Variants in B3GALT5 observed in about 807,000 individuals in gnomAD.
B3GALT5 encodes UDP-Gal:betaGlcNAc beta 1,3-galactosyltransferase, polypeptide 5.
For synonymous variants in B3GALT5, 156 were observed against 158.6 expected (o/e 0.98, Z 0.12); for missense variants, 328 against 396.6 (o/e 0.83, Z 1.47).
rs138404709 is a variant in B3GALT5 at position 39,616,695 on chromosome 21, C to G, written c.-392+3628C>G. On this transcript the variant is annotated intron_variant, in intron 1 of 3. Transcript: ENST00000684187. Reference sequence around the variant, plus strand: ...AACATCGTTTCCTTCCCAGAGCTTCCTTTGGTGTCCTGGAGATACAGTTTA... The same window carrying G: ...AACATCGTTTCCTTCCCAGAGCTTCGTTTGGTGTCCTGGAGATACAGTTTA... Among the ~76,000 whole-genome samples, 789 of 152,242 alleles carry G rather than the reference C, an allele frequency of 5.2e-3. 2 individuals carry two copies. The highest frequency in any genetic ancestry group is 0.018 in the African/African-American group (757 of 41,546).
intron 1 of B3GALT5, among the ~76,000 whole-genome samples, chr21:39,630,858 C>T (rs2079188411): frequency 6.6e-6 from 1 of 152,154 alleles, no homozygotes; most frequent in African/African-American, 2.4e-5. Flanking sequence ...CATCATTTCT[C>T]TCCTCTGATA....
intron 1 of B3GALT5, among the ~76,000 whole-genome samples, chr21:39,639,425 T>C (rs1399395810): frequency 8.4e-6 from 1 of 118,746 alleles, no homozygotes; most frequent in Non-Finnish European, 1.8e-5. Flanking sequence ...TCTTTCTTTC[T>C]TTCTTTCTTT....
At chr21:39,634,278 G>C (rs2079211045) in intron 1 of B3GALT5, among the ~76,000 whole-genome samples, 1 of 152,172 alleles carries the variant, frequency 6.6e-6, no homozygotes, top group Non-Finnish European at 1.5e-5. Context: ...GGGAAGGAAT[G>C]GGGTGTGTGT....
intron 2 of B3GALT5, among the ~76,000 whole-genome samples, chr21:39,658,873 C>A (rs34021849): frequency 0.73 from 110,972 of 151,730 alleles, 41,211 homozygotes; most frequent in Middle Eastern, 0.82. Context: ...TATTATATTC[C>A]TATTGCTTTT....
Position 39,672,914 on chromosome 21 carries a change from C to T in B3GALT5, c.*11422C>T, listed in dbSNP as rs2079643557. The stretch of plus-strand genomic sequence containing the variant: ...GGCAGTGTCCATTGAGGTGTCCTGT[C>T]GGGAATGACAAGTCCAGGGCAGATT... On this transcript the variant is annotated 3_prime_UTR_variant, in exon 4 of 4. Coordinates refer to ENST00000684187, the MANE Select transcript of B3GALT5 (RefSeq NM_001356336.2). 1.3e-5 allele frequency: 2 copies of T among 152,198 alleles called. No homozygotes were observed. 9.4% of individuals were successfully genotyped at this position (152,198 alleles called of 1,614,324 possible).
At chr21:39,634,551 C>T (rs1440419044) in intron 1 of B3GALT5, among the ~76,000 whole-genome samples, 6 of 151,896 alleles carry the variant, frequency 4.0e-5, no homozygotes, top group African/African-American at 7.3e-5. Flanking sequence ...TACTGCGGGT[C>T]GCTCACATCT....
chr21:39,637,705 C>G (rs1035708311), intron 1 of B3GALT5, among the ~76,000 whole-genome samples: 1 of 152,184 alleles, frequency 6.6e-6, no homozygotes, highest in African/African-American at 2.4e-5. Context: ...ACCCACCTGC[C>G]GTGGCTTTTC....
At chr21:39,628,914 G>C (rs2123694267) in intron 1 of B3GALT5, among the ~76,000 whole-genome samples, 1 of 152,286 alleles carries the variant, frequency 6.6e-6, no homozygotes, top group South Asian at 2.1e-4. Flanking sequence ...AGTCTTAAGA[G>C]GTTAACTGTG....
intron 1 of B3GALT5, among the ~76,000 whole-genome samples, chr21:39,642,532 A>G (rs1446113393): frequency 1.3e-5 from 2 of 152,180 alleles, no homozygotes; most frequent in African/African-American, 4.8e-5. Flanking sequence ...TATACCTCCT[A>G]TCTGGATTTT....
In B3GALT5 at chr21:39,661,224, C is replaced by T; in HGVS notation, c.665C>T (p.Ser222Phe). The T allele has an allele frequency of 6.2e-7, 1 of 1,614,184 alleles. No homozygotes were observed. ...TGCTCCGGCACCGGCTACGTGTTTTCTGGCGACGTGGCGAGTCAGGTGTAC... is the reference window on the plus strand; with the variant it reads ...TGCTCCGGCACCGGCTACGTGTTTTTTGGCGACGTGGCGAGTCAGGTGTAC... Reference protein sequence around the residue: ...PFCSGTGYVFSGDVASQVYNV... With the variant: ...PFCSGTGYVFFGDVASQVYNV... Residue 222 changes from serine to phenylalanine, a missense_variant, in exon 4 of 4, where the codon TCT becomes TTT. Transcript: ENST00000684187. The surrounding 1 kb of genome is among the most constrained non-coding windows in gnomAD (Gnocchi z 4.7).
At chr21:39,648,704 A>G (rs956521306) in intron 2 of B3GALT5, among the ~76,000 whole-genome samples, 1 of 152,168 alleles carries the variant, frequency 6.6e-6, no homozygotes, top group Non-Finnish European at 1.5e-5. Flanking sequence ...TATGGACTGA[A>G]TTGTGTCTCC....
intron 1 of B3GALT5, among the ~76,000 whole-genome samples, chr21:39,635,542 G>A (rs1242851458): frequency 2.0e-5 from 3 of 152,002 alleles, no homozygotes; most frequent in African/African-American, 7.2e-5. Context: ...GCAATGGTGC[G>A]ATCTCAGCTC....
chr21:39,658,703 T>C (rs982349318), intron 2 of B3GALT5, among the ~76,000 whole-genome samples: 4 of 152,092 alleles, frequency 2.6e-5, no homozygotes, highest in Non-Finnish European at 5.9e-5. Context: ...TCAGACAAGT[T>C]CTGGTCTCCT....
At chr21:39,639,370 C>T (rs2079262059) in intron 1 of B3GALT5, among the ~76,000 whole-genome samples, 3 of 133,286 alleles carry the variant, frequency 2.3e-5, no homozygotes, top group Non-Finnish European at 3.2e-5. Context: ...TTCCTTCCTT[C>T]CTTCCTTCCT....
At position 39,661,554 on chromosome 21, in the gene B3GALT5, A is replaced by G. The variant is rs2079525267; in HGVS notation, c.*62A>G. 1 of 1,427,074 alleles carries G rather than the reference A, an allele frequency of 7.0e-7. No individual in the cohort carries two copies. Among genetic ancestry groups the G allele is most frequent in the African/African-American group, 1.4e-5 (1 of 70,038 alleles). 88.4% of individuals were successfully genotyped at this position (1,427,074 alleles called of 1,614,324 possible). On this transcript the variant is annotated 3_prime_UTR_variant, in exon 4 of 4. Transcript: ENST00000684187. This position sits in a 1 kb window ranked among gnomAD's most constrained non-coding sequence, Gnocchi z 4.7. ...AACCCGTGGGGATAGTTTTTGCTAG[A>G]TTTTGGAAGAGGGGGCGGGACAGAG...
chr21:39,660,742 G>C lies in B3GALT5; in HGVS notation c.183G>C (p.Leu61=), dbSNP rs746213645. The change falls in exon 4 of 4, where the codon CTG becomes CTC. Residue 61 remains leucine, a synonymous_variant. Transcript: ENST00000684187. ...DCRQTPPFLV[L]LVTSSHKQLA... ...GGCAGACACCTCCCTTCCTCGTCCT[G>C]CTGGTGACCTCATCCCACAAACAGT... The C allele has an allele frequency of 4.5e-5, 70 of 1,547,018 alleles. No individual in the cohort carries two copies. The highest frequency in any genetic ancestry group is 6.0e-5 in the Non-Finnish European group (69 of 1,147,380).
chr21:39,647,782 C>G (rs770228771), intron 2 of B3GALT5, among the ~76,000 whole-genome samples: 11 of 152,192 alleles, frequency 7.2e-5, no homozygotes, highest in African/African-American at 2.2e-4. Flanking sequence ...ATTAGGGCAA[C>G]AAGCTTCCAG....
At chr21:39,657,797 A>G in intron 2 of B3GALT5, 2 of 1,148,468 alleles carry the variant, frequency 1.7e-6, no homozygotes, top group Non-Finnish European at 2.2e-6. Context: ...AACCCTGACT[A>G]ATACACCTGG....
intron 1 of B3GALT5, among the ~76,000 whole-genome samples, chr21:39,638,241 C>T (rs2079243222): frequency 6.6e-6 from 1 of 152,132 alleles, no homozygotes; most frequent in Admixed American, 6.5e-5. Context: ...CCACCCTGGC[C>T]TGCCACACCC....
Sources: gnomAD v4.1 joint callset for allele counts (sites outside exome capture counted in the v4.1 genomes callset) on GRCh38, gnomAD v4.1.1 for gene constraint, Gnocchi (gnomAD v3.1) non-coding constraint, MANE v1.5 for transcripts, NCBI Gene and HGNC (gene_info 2026-07-23, HGNC 2026-07-21) for gene names.